The following SLC15A2 variants were observed in gnomAD, a reference collection of about 807,000 sequenced individuals.
SLC15A2 encodes the protein kidney H(+)/peptide cotransporter.
In SLC15A2, 77 loss-of-function variants were observed where a neutral mutation model predicts 95.5. That is an observed-to-expected ratio of 0.81 (90% confidence interval 0.67 to 0.97). The LOEUF is 0.97. SLC15A2 is among the 50% of genes least tolerant of loss of function. SLC15A2 has a pLI of 0.00. For missense variants in SLC15A2, 893 were observed against 874.4 expected (o/e 1.02, Z -0.27); for synonymous variants, 306 against 306.9 (o/e 1.00, Z 0.03).
At chr3:121,929,209 A>C in intron 16 of SLC15A2, 63 bp downstream of exon 16, 2 of 1,602,482 alleles carry the variant, frequency 1.2e-6, no homozygotes, top group South Asian at 2.2e-5. Flanking sequence ...TGTCTCATCA[A>C]CATCTTACCA....
chr3:121,902,327 T>G (rs1462630388), intron 3 of SLC15A2, among the ~76,000 whole-genome samples: 1 of 152,004 alleles, frequency 6.6e-6, no homozygotes, highest in Non-Finnish European at 1.5e-5. Context: ...CTCTTAAACG[T>G]GTTTATTATT....
intron 19 of SLC15A2, among the ~76,000 whole-genome samples, chr3:121,938,439 C>T (rs1051207533): frequency 6.6e-6 from 1 of 152,166 alleles, no homozygotes; most frequent in African/African-American, 2.4e-5. Flanking sequence ...AGGACCCTCC[C>T]AGCCAGGTGT....
At position 121,915,275 on chromosome 3, in the gene SLC15A2, G is replaced by A. The variant is rs1709868952; in HGVS notation, c.577G>A (p.Ala193Thr). Residue 193 changes from alanine to threonine, a missense_variant, in exon 6 of 22, where the codon GCA becomes ACA. Coordinates refer to ENST00000489711, the MANE Select transcript of SLC15A2 (RefSeq NM_021082.4). ...YFSVFYLSIN[A>T]GSLISTFITP... The stretch of plus-strand genomic sequence containing the variant: ...CTCAGTCTTCTACCTGTCCATCAAT[G>A]CAGGGAGCTTGATTTCTACATTTAT... 1.9e-6 allele frequency: 3 copies of A among 1,613,838 alleles called. No homozygotes were observed. In the South Asian group the frequency reaches 3.3e-5, roughly 18 times the overall value.
Position 121,922,137 on chromosome 3 carries a change from GA to G in SLC15A2, c.698-80del, listed in dbSNP as rs1457673416. On this transcript the variant is annotated intron_variant, in intron 7 of 21. Transcript: ENST00000489711. ...AAAAGTTATTGTGGTTTTTGCCATT[GA>G]AAGTAATGGCAAAACTGCAATAACC... is the stretch of plus-strand genomic sequence containing the variant. 3 of 1,138,548 alleles carry G rather than the reference GA, an allele frequency of 2.6e-6. No individual in the cohort carries two copies. The East Asian group carries it at 7.1e-5, about 27-fold the overall frequency. 70.5% of individuals were successfully genotyped at this position (1,138,548 alleles called of 1,614,324 possible).
chr3:121,897,799 C>T (rs1243506684), intron 3 of SLC15A2, among the ~76,000 whole-genome samples: 1 of 152,204 alleles, frequency 6.6e-6, no homozygotes, highest in African/African-American at 2.4e-5. Context: ...TTTTAACCTT[C>T]CATTCCATAG....
At chr3:121,934,456 T>C (rs1201373698) in intron 19 of SLC15A2, among the ~76,000 whole-genome samples, 4 of 152,126 alleles carry the variant, frequency 2.6e-5, no homozygotes, top group Non-Finnish European at 4.4e-5. Flanking sequence ...TGGATTGTAG[T>C]TCTCCTTGAA....
chr3:121,922,788 A>G lies in SLC15A2; in HGVS notation c.794A>G (p.Asn265Ser), dbSNP rs370032688. ...VFKCIWFAIS[N>S]RFKNRSGDIP... is the part of the protein sequence containing the mutation. ...TCTCTGCCCTAGTTTGCTATTTCCAATCGTTTCAAGAACCGTTCTGGAGAC... is the reference window on the plus strand; with the variant it reads ...TCTCTGCCCTAGTTTGCTATTTCCAGTCGTTTCAAGAACCGTTCTGGAGAC... The change falls in exon 9 of 22, where the codon AAT becomes AGT. Residue 265 changes from asparagine (N) to serine (S), a missense_variant. By Grantham distance (46) the Asn-to-Ser change is conservative. Transcript: ENST00000489711. 3.6e-5 allele frequency: 58 copies of G among 1,613,324 alleles called. No homozygotes were observed. Among genetic ancestry groups the G allele is most frequent in the Non-Finnish European group, 4.5e-5 (53 of 1,179,512 alleles).
chr3:121,922,691 G>A, intron 8 of SLC15A2, 84 bp from the exon 9 acceptor site: 1 of 884,702 alleles, frequency 1.1e-6, no homozygotes, highest in Non-Finnish European at 1.8e-6. Flanking sequence ...GAAGTATGGT[G>A]TTTGAAGGAA....
intron 19 of SLC15A2, among the ~76,000 whole-genome samples, chr3:121,935,328 C>T (rs1440910708): frequency 1.3e-5 from 2 of 152,146 alleles, no homozygotes; most frequent in Non-Finnish European, 2.9e-5. Flanking sequence ...GGAATAGTTT[C>T]AGAAGGAATG....
Position 121,940,962 on chromosome 3 carries a change from C to G in SLC15A2, c.2145C>G (p.Ile715Met), listed in dbSNP as rs951505040. Residue 715 changes from isoleucine (I) to methionine (M), a missense_variant, in exon 22 of 22, where the codon ATC (isoleucine) becomes ATG (methionine). Coordinates refer to ENST00000489711, the MANE Select transcript of SLC15A2 (RefSeq NM_021082.4). ...CAGCAGATAAGCACATTCCTCACAT[C>G]CAGGGGAACATGATCAAACTAGAGA... Reference protein sequence around the residue: ...RGPADKHIPHIQGNMIKLETK... With the variant: ...RGPADKHIPHMQGNMIKLETK... The G allele has an allele frequency of 1.2e-6, 2 of 1,613,980 alleles. No homozygotes were observed. Among genetic ancestry groups the G allele is most frequent in the Non-Finnish European group, 1.7e-6 (2 of 1,179,988 alleles).
chr3:121,897,495 G>A lies in SLC15A2; in HGVS notation c.301G>A (p.Ala101Thr), dbSNP rs927741720. The A allele has an allele frequency of 6.2e-7, 1 of 1,613,924 alleles. No homozygotes were observed. The highest frequency in any genetic ancestry group is 1.3e-5 in the African/African-American group (1 of 74,890). Reference sequence around the variant, plus strand: ...CTGTTATTTTACTCCCATCCTGGGAGCAGCCATTGCTGACTCGTGGTTGGG... The same window carrying A: ...CTGTTATTTTACTCCCATCCTGGGAACAGCCATTGCTGACTCGTGGTTGGG... Reference protein sequence around the residue: ...SLCYFTPILGAAIADSWLGKF... With the variant: ...SLCYFTPILGTAIADSWLGKF... Residue 101 changes from alanine (A) to threonine (T), a missense_variant, in exon 3 of 22, where the codon GCA becomes ACA. Ala to Thr is a moderately conservative substitution (Grantham distance 58). Transcript: ENST00000489711.
intron 1 of SLC15A2, 148 bp from the exon 2 acceptor site, chr3:121,896,258 A>G: frequency 1.5e-6 from 1 of 649,584 alleles, no homozygotes; most frequent in South Asian, 1.8e-5. Context: ...AGTGTTACCT[A>G]ATAGGTGTGT....
At chr3:121,926,077 A>G (rs760343144) in intron 13 of SLC15A2, among the ~76,000 whole-genome samples, 8 of 152,184 alleles carry the variant, frequency 5.3e-5, no homozygotes, top group Non-Finnish European at 1.0e-4. Flanking sequence ...CTCAAGAACA[A>G]GAAGAAAGAA....
At chr3:121,918,149 A>G (rs542756898) in intron 7 of SLC15A2, among the ~76,000 whole-genome samples, 1 of 152,190 alleles carries the variant, frequency 6.6e-6, no homozygotes, top group Non-Finnish European at 1.5e-5. Context: ...GAATTTTTTG[A>G]TACTTGCTTA....
intron 3 of SLC15A2, among the ~76,000 whole-genome samples, chr3:121,910,514 T>C (rs1425349987): frequency 6.6e-6 from 1 of 152,098 alleles, no homozygotes; most frequent in Non-Finnish European, 1.5e-5. Flanking sequence ...TCTTGTCCGC[T>C]ACCCGCCATA....
intron 1 of SLC15A2, chr3:121,895,381 C>G (rs1709397493): frequency 6.6e-6 from 1 of 151,914 alleles, no homozygotes; most frequent in Non-Finnish European, 1.5e-5. Flanking sequence ...AGGTAAGAAG[C>G]CCAGTTCATT....
At chr3:121,922,391 T>C (rs1383355508) in intron 8 of SLC15A2, 89 bp downstream of exon 8, 1 of 962,808 alleles carries the variant, frequency 1.0e-6, no homozygotes, top group African/African-American at 1.7e-5. Context: ...TGGGCATACA[T>C]TTTTCTCAAT....
intron 1 of SLC15A2, among the ~76,000 whole-genome samples, chr3:121,895,844 G>A (rs75375276): frequency 2.6e-5 from 4 of 152,270 alleles, no homozygotes; most frequent in East Asian, 1.9e-4. Flanking sequence ...TAAAGTCAAG[G>A]TGATCAATTA....
At chr3:121,935,955 G>GTGTC (rs1262238573) in intron 19 of SLC15A2, among the ~76,000 whole-genome samples, 1 of 151,990 alleles carries the variant, frequency 6.6e-6, no homozygotes, top group African/African-American at 2.4e-5. Context: ...AGAGATTCTG[G>GTGTC]TATGTTGTGT....
Sources: gnomAD v4.1 joint callset for allele counts (sites outside exome capture counted in the v4.1 genomes callset) on GRCh38, gnomAD v4.1.1 for gene constraint, MANE v1.5 for transcripts, NCBI Gene and HGNC (gene_info 2026-07-23, HGNC 2026-07-21) for gene names.